The following ATXN10 variants were observed in gnomAD, a reference collection of about 807,000 sequenced individuals.
ATXN10 encodes the protein ataxin-10.
ATXN10 carries 28 observed loss-of-function variants against 52.9 expected under a neutral mutation model. The observed-to-expected ratio is 0.53, with a 90% CI of 0.39 to 0.73. The LOEUF is 0.73. ATXN10 is among the 30% of genes least tolerant of loss of function. ATXN10 has a pLI of 0.00. For synonymous variants in ATXN10, 226 were observed against 221.5 expected (o/e 1.02, Z -0.18); for missense variants, 565 against 577.0 (o/e 0.98, Z 0.21).
Position 45,789,659 on chromosome 22 carries a change from T to C in ATXN10, c.1174-17300T>C, listed in dbSNP as rs1199652416. 6.6e-6 allele frequency among the ~76,000 whole-genome samples: 1 copy of C among 152,198 alleles called. No individual in the cohort carries two copies. Among genetic ancestry groups the C allele is most frequent in the African/African-American group, 2.4e-5 (1 of 41,458 alleles). On this transcript the variant is annotated intron_variant, in intron 9 of 11. Coordinates refer to ENST00000252934, the MANE Select transcript of ATXN10 (RefSeq NM_013236.4). The surrounding 1 kb of genome is among the most constrained non-coding windows in gnomAD (Gnocchi z 4.0). ...AAGAGAGGGAGAGCCTTCTAACCCA[T>C]CCAGCCCCTTTGTGGTGGTGGTGGT...
chr22:45,714,053 C>G (rs1924353557), intron 5 of ATXN10, among the ~76,000 whole-genome samples: 1 of 152,178 alleles, frequency 6.6e-6, no homozygotes, highest in African/African-American at 2.4e-5. Context: ...ATAATTTTGA[C>G]AAACACTTCA....
At chr22:45,832,635 A>G (rs1601675300) in intron 10 of ATXN10, among the ~76,000 whole-genome samples, 1 of 152,232 alleles carries the variant, frequency 6.6e-6, no homozygotes, top group Admixed American at 6.5e-5. Flanking sequence ...TTGCCTTCGT[A>G]TTTATTAAAT....
At chr22:45,796,802 A>G (rs1304615411) in intron 9 of ATXN10, among the ~76,000 whole-genome samples, 1 of 152,162 alleles carries the variant, frequency 6.6e-6, no homozygotes, top group Non-Finnish European at 1.5e-5. Context: ...CCTGGCCTAT[A>G]CTGGATTTTG....
At chr22:45,731,630 A>C (rs150948754) in intron 7 of ATXN10, among the ~76,000 whole-genome samples, 1 of 152,200 alleles carries the variant, frequency 6.6e-6, no homozygotes, top group Admixed American at 6.5e-5. Context: ...ATACTCATCC[A>C]CTGTCCACAG....
intron 9 of ATXN10, among the ~76,000 whole-genome samples, chr22:45,749,582 G>T (rs1219173484): frequency 6.6e-6 from 1 of 151,846 alleles, no homozygotes; most frequent in Non-Finnish European, 1.5e-5. Context: ...TTTTTTAAGA[G>T]GTGGGGTCTT....
chr22:45,843,525 G>T lies in ATXN10; in HGVS notation c.1426-144G>T. On this transcript the variant is annotated intron_variant, in intron 11 of 11. Transcript: ENST00000252934. The surrounding 1 kb of genome is among the most constrained non-coding windows in gnomAD (Gnocchi z 4.5). ...TATAGTTTAAAAAACAGAACTCCTT[G>T]AATAATATTGCATGAATTGTTTTAG... 1.3e-6 allele frequency: 1 copy of T among 777,474 alleles called. No homozygotes were observed. Among genetic ancestry groups the T allele is most frequent in the South Asian group, 1.5e-5 (1 of 64,970 alleles). 48.2% of individuals were successfully genotyped at this position (777,474 alleles called of 1,614,324 possible). A position where few individuals can be genotyped will look rare whatever the true frequency, so the allele number is the denominator to read the frequency against.
At position 45,751,651 on chromosome 22, in the gene ATXN10, T is replaced by G. The variant is rs1279875355; in HGVS notation, c.1173+11113T>G. Reference sequence around the variant, plus strand: ...CTAATGAAAATCTGACTGTGAAATGTCTATATATCTCCCCAGGCTTCGTTT... The same window carrying G: ...CTAATGAAAATCTGACTGTGAAATGGCTATATATCTCCCCAGGCTTCGTTT... On this transcript the variant is annotated intron_variant, in intron 9 of 11. Coordinates refer to ENST00000252934, the MANE Select transcript of ATXN10 (RefSeq NM_013236.4). 4.6e-5 allele frequency among the ~76,000 whole-genome samples: 7 copies of G among 151,580 alleles called. No individual in the cohort carries two copies. The East Asian group carries it at 1.4e-3, about 29-fold the overall frequency.
rs887395291 is a variant in ATXN10, at chr22:45,780,054, G to A, written c.1174-26905G>A. Among the ~76,000 whole-genome samples the A allele has an allele frequency of 2.6e-5, 4 of 151,310 alleles. No individual in the cohort carries two copies. The highest frequency in any genetic ancestry group is 9.7e-5 in the African/African-American group (4 of 41,150). On this transcript the variant is annotated intron_variant, in intron 9 of 11. Transcript: ENST00000252934. The surrounding 1 kb of genome is among the most constrained non-coding windows in gnomAD (Gnocchi z 4.0). ...CATTCGTGAAATTCCAAATAAAAAC[G>A]CTTATACAAACAAAAAGGCAGACTG...
At position 45,790,374 on chromosome 22, in the gene ATXN10, GC is replaced by G. The variant is rs779425377; in HGVS notation, c.1174-16578del. Among the ~76,000 whole-genome samples the G allele has an allele frequency of 1.3e-5, 2 of 151,832 alleles. No individual in the cohort carries two copies. The highest frequency in any genetic ancestry group is 2.1e-4 in the South Asian group (1 of 4,780). ...CAGGACACGAGATTATCAAAACATT[GC>G]CCCCCCGCCGCCCCACACATACACC... On this transcript the variant is annotated intron_variant, in intron 9 of 11. Coordinates refer to ENST00000252934, the MANE Select transcript of ATXN10 (RefSeq NM_013236.4). The surrounding 1 kb of genome is among the most constrained non-coding windows in gnomAD (Gnocchi z 4.7).
chr22:45,689,742 A>G lies in ATXN10; in HGVS notation c.147A>G (p.Arg49=), dbSNP rs189464511. ...RETAPRTIFQ[R]VLDILKKSSH... is the part of the protein sequence containing the mutation. Reference sequence around the variant, plus strand: ...CAGCACCCAGGACTATCTTCCAAAGAGTTCTGGATATCCTAAAGAAATCTT... The same window carrying G: ...CAGCACCCAGGACTATCTTCCAAAGGGTTCTGGATATCCTAAAGAAATCTT... The change falls in exon 2 of 12, where the codon AGA becomes AGG. Residue 49 remains arginine, a synonymous_variant. Transcript: ENST00000252934. The G allele has an allele frequency of 6.2e-7, 1 of 1,614,138 alleles. No individual in the cohort carries two copies.
Position 45,715,390 on chromosome 22 carries a change from A to T in ATXN10, c.648-3023A>T, listed in dbSNP as rs1489320189. On this transcript the variant is annotated intron_variant, in intron 5 of 11. Transcript: ENST00000252934. This position sits in a 1 kb window ranked among gnomAD's most constrained non-coding sequence, Gnocchi z 4.4. ...CATAGACAAATATCAGTATAGACTGATGTTTTATACATTATATAAACATGA... is the reference window on the plus strand; with the variant it reads ...CATAGACAAATATCAGTATAGACTGTTGTTTTATACATTATATAAACATGA... Among the ~76,000 whole-genome samples, 1 of 152,212 alleles carries T rather than the reference A, an allele frequency of 6.6e-6. No homozygotes were observed. The highest frequency in any genetic ancestry group is 1.5e-5 in the Non-Finnish European group (1 of 68,038).
intron 10 of ATXN10, among the ~76,000 whole-genome samples, chr22:45,815,593 C>T (rs1040216845): frequency 6.6e-6 from 1 of 151,928 alleles, no homozygotes; most frequent in African/African-American, 2.4e-5. Flanking sequence ...CCCTCCCTCC[C>T]TCCTTCCCTG....
intron 9 of ATXN10, chr22:45,793,687 A>G: frequency 6.8e-7 from 1 of 1,466,266 alleles, no homozygotes; most frequent in Non-Finnish European, 9.1e-7. Flanking sequence ...AGAAGTCACC[A>G]ATCACACAGC....
intron 7 of ATXN10, chr22:45,734,528 G>A (rs1925213561): frequency 6.9e-6 from 1 of 144,998 alleles, no homozygotes; most frequent in African/African-American, 2.6e-5. Context: ...TCTGGCCTCT[G>A]GATTTTTTTT....
At position 45,728,443 on chromosome 22, in the gene ATXN10, A is replaced by G. The variant is rs1924962061; in HGVS notation, c.729-982A>G. Among the ~76,000 whole-genome samples the G allele has an allele frequency of 6.6e-6, 1 of 152,130 alleles. No individual in the cohort carries two copies. The highest frequency in any genetic ancestry group is 6.6e-5 in the Admixed American group (1 of 15,266). Reference sequence around the variant, plus strand: ...TAGGTGATTTTTCCAGACTGATGATATTTCCCATCATTTGGCCACAGTACA... The same window carrying G: ...TAGGTGATTTTTCCAGACTGATGATGTTTCCCATCATTTGGCCACAGTACA... On this transcript the variant is annotated intron_variant, in intron 6 of 11. Coordinates refer to ENST00000252934, the MANE Select transcript of ATXN10 (RefSeq NM_013236.4). This position sits in a 1 kb window ranked among gnomAD's most constrained non-coding sequence, Gnocchi z 4.3.
At chr22:45,707,106 T>A (rs1176236389) in intron 5 of ATXN10, among the ~76,000 whole-genome samples, 1 of 152,186 alleles carries the variant, frequency 6.6e-6, no homozygotes, top group Non-Finnish European at 1.5e-5. Flanking sequence ...TTATAAAATT[T>A]ATCACAAATT....
chr22:45,796,224 C>T (rs1280010961), intron 9 of ATXN10, among the ~76,000 whole-genome samples: 3 of 152,328 alleles, frequency 2.0e-5, no homozygotes, highest in East Asian at 1.9e-4. Context: ...TCTCCTGCAG[C>T]GCCCTCAGGC....
chr22:45,828,489 C>T lies in ATXN10; in HGVS notation c.1238-14502C>T, dbSNP rs2146907322. Among the ~76,000 whole-genome samples, 1 of 152,050 alleles carries T rather than the reference C, an allele frequency of 6.6e-6. No individual in the cohort carries two copies. The highest frequency in any genetic ancestry group is 1.9e-4 in the East Asian group (1 of 5,178). On this transcript the variant is annotated intron_variant, in intron 10 of 11. Coordinates refer to ENST00000252934, the MANE Select transcript of ATXN10 (RefSeq NM_013236.4). The surrounding 1 kb of genome is among the most constrained non-coding windows in gnomAD (Gnocchi z 4.5). ...AAACAGAAGTTGCTTTTTTAAAGAT[C>T]AACAAAAGTTGACCAACTTTTAGCT... is the stretch of plus-strand genomic sequence containing the variant.
rs1471855181 is a variant in ATXN10 at position 45,783,177 on chromosome 22, T to A, written c.1174-23782T>A. Among the ~76,000 whole-genome samples, 1 of 152,154 alleles carries A rather than the reference T, an allele frequency of 6.6e-6. No individual in the cohort carries two copies. Among genetic ancestry groups the A allele is most frequent in the African/African-American group, 2.4e-5 (1 of 41,428 alleles). On this transcript the variant is annotated intron_variant, in intron 9 of 11. Coordinates refer to ENST00000252934, the MANE Select transcript of ATXN10 (RefSeq NM_013236.4). This position sits in a 1 kb window ranked among gnomAD's most constrained non-coding sequence, Gnocchi z 5.0. ...GGTCATTGTTAAGTAAGATAAGGGT[T>A]CCATGAACACGAGCACTGTGATACC...
Sources: gnomAD v4.1 joint callset for allele counts (sites outside exome capture counted in the v4.1 genomes callset) on GRCh38, gnomAD v4.1.1 for gene constraint, Gnocchi (gnomAD v3.1) non-coding constraint, MANE v1.5 for transcripts, NCBI Gene and HGNC (gene_info 2026-07-23, HGNC 2026-07-21) for gene names.